RPA2: variants seen among roughly 807,000 people sequenced by gnomAD.
RPA2 encodes replication protein A2.
RPA2 carries 22 observed loss-of-function variants against 33.4 expected under a neutral mutation model. The ratio of observed to expected loss-of-function variants is 0.66; its 90% CI spans 0.47 to 0.94. RPA2 has a LOEUF of 0.94. Ranked by LOEUF, RPA2 falls within the 40% of genes least tolerant of loss-of-function variation. RPA2 has a pLI of 0.00. For missense variants in RPA2, 279 were observed against 329.9 expected (o/e 0.85, Z 1.19); for synonymous variants, 109 against 114.9 (o/e 0.95, Z 0.33).
intron 4 of RPA2, among the ~76,000 whole-genome samples, chr1:27,898,633 C>T (rs943752277): frequency 1.3e-5 from 2 of 151,286 alleles, no homozygotes; most frequent in African/African-American, 4.9e-5. Context: ...GCAACCTCTG[C>T]CTCACAAGTT....
chr1:27,894,206 A>C, intron 7 of RPA2, 84 bp downstream of exon 7: 1 of 1,502,938 alleles, frequency 6.7e-7, no homozygotes, highest in Non-Finnish European at 9.2e-7. Context: ...CCAGGTACTT[A>C]AACAGTCGTA....
At chr1:27,913,756 T>C (rs913520208) in intron 2 of RPA2, among the ~76,000 whole-genome samples, 2 of 151,904 alleles carry the variant, frequency 1.3e-5, no homozygotes, top group African/African-American at 4.8e-5. Context: ...ATCTCTATTT[T>C]AAAAAATAAA....
intron 4 of RPA2, 142 bp downstream of exon 4, chr1:27,906,786 T>C: frequency 3.3e-6 from 2 of 605,018 alleles, no homozygotes; most frequent in Admixed American, 3.2e-5. Context: ...TAGTCAAATC[T>C]ACTAACCTTT....
intron 2 of RPA2, among the ~76,000 whole-genome samples, chr1:27,910,485 A>C (rs1327964004): frequency 6.6e-6 from 1 of 152,230 alleles, no homozygotes; most frequent in Non-Finnish European, 1.5e-5. Context: ...AGAGGTTCAC[A>C]AAGTGTCAAT....
At chr1:27,904,427 T>G (rs1312765541) in intron 4 of RPA2, among the ~76,000 whole-genome samples, 1 of 152,186 alleles carries the variant, frequency 6.6e-6, no homozygotes, top group East Asian at 1.9e-4. Flanking sequence ...ACAAGTAGTA[T>G]TAGGTATCCA....
At chr1:27,911,793 A>G (rs1350548139) in intron 2 of RPA2, among the ~76,000 whole-genome samples, 1 of 152,156 alleles carries the variant, frequency 6.6e-6, no homozygotes, top group African/African-American at 2.4e-5. Context: ...AAAATAATTT[A>G]TATGAAAGTT....
chr1:27,912,152 G>A (rs2090105045), intron 2 of RPA2, among the ~76,000 whole-genome samples: 1 of 152,072 alleles, frequency 6.6e-6, no homozygotes, highest in Non-Finnish European at 1.5e-5. Flanking sequence ...ATATCATTGA[G>A]TTTTTTAACT....
At chr1:27,895,706 G>C (rs1363493161) in intron 6 of RPA2, among the ~76,000 whole-genome samples, 1 of 152,138 alleles carries the variant, frequency 6.6e-6, no homozygotes, top group Non-Finnish European at 1.5e-5. Context: ...ACTCCAGCCT[G>C]GGCGAAAGAG....
rs28904882 is a variant in RPA2, at chr1:27,899,531, A to C, written c.334-1824T>G. 3.6e-3 allele frequency among the ~76,000 whole-genome samples: 506 copies of C among 141,746 alleles called. 4 individuals carry two copies. Among genetic ancestry groups the C allele is most frequent in the African/African-American group, 0.013 (485 of 36,740 alleles). The allele number at this position is 141,746 out of a possible 152,430, so 93.0% of individuals were successfully genotyped here. A position where few individuals can be genotyped will look rare whatever the true frequency, so the allele number is the denominator to read the frequency against. ...AAAAAAAGAAAAAAAAAAAAAAAAA[A>C]CCACACAAACAAAACAATTGTATTC... On this transcript the variant is annotated intron_variant, in intron 4 of 8. Coordinates refer to ENST00000373912, the MANE Select transcript of RPA2 (RefSeq NM_002946.5).
At chr1:27,904,973 A>C (rs1480612908) in intron 4 of RPA2, among the ~76,000 whole-genome samples, 1 of 152,068 alleles carries the variant, frequency 6.6e-6, no homozygotes, top group Non-Finnish European at 1.5e-5. Flanking sequence ...TTATTATCCA[A>C]ATTTTCTGTA....
chr1:27,897,309 G>C (rs1011913919), intron 5 of RPA2, among the ~76,000 whole-genome samples, 188 bp from the exon 6 acceptor site: 2 of 141,560 alleles, frequency 1.4e-5, no homozygotes, highest in African/African-American at 4.9e-5. Flanking sequence ...AATAGCTAAG[G>C]GACATTAATA....
chr1:27,910,427 T>C (rs2090083002), intron 2 of RPA2, among the ~76,000 whole-genome samples: 1 of 152,218 alleles, frequency 6.6e-6, no homozygotes, highest in South Asian at 2.1e-4. Flanking sequence ...TTATTGAGCA[T>C]ATATTTTATG....
At chr1:27,909,657 TGAGCC>T (rs2090073614) in intron 2 of RPA2, among the ~76,000 whole-genome samples, 1 of 151,224 alleles carries the variant, frequency 6.6e-6, no homozygotes, top group Non-Finnish European at 1.5e-5. Context: ...GAGGTTGCAG[TGAGCC>T]GAGATCATAC....
At position 27,894,074 on chromosome 1, in the gene RPA2, A is replaced by G; in HGVS notation, c.666T>C (p.Pro222=). 1 of 1,614,148 alleles carries G rather than the reference A, an allele frequency of 6.2e-7. No homozygotes were observed. The change falls in exon 8 of 9, where the codon CCT becomes CCC. Residue 222 remains proline, a synonymous_variant. Transcript: ENST00000373912. ...VLNLIKACPR[P]EGLNFQDLKN... ...TGAGATCCTGAAAGTTCAACCCTTC[A>G]GGTCTTGGACAAGCCTTAATCAAAT...
chr1:27,894,934 C>T (rs1186076421), intron 6 of RPA2, among the ~76,000 whole-genome samples: 1 of 152,176 alleles, frequency 6.6e-6, no homozygotes, highest in African/African-American at 2.4e-5. Flanking sequence ...ACTGTTTTCA[C>T]CAAAGTCACC....
At chr1:27,905,153 T>C (rs2090012630) in intron 4 of RPA2, among the ~76,000 whole-genome samples, 1 of 152,210 alleles carries the variant, frequency 6.6e-6, no homozygotes, top group African/African-American at 2.4e-5. Flanking sequence ...GCATACCACA[T>C]TGTAATATGC....
chr1:27,901,359 T>C (rs1190894477), intron 4 of RPA2, among the ~76,000 whole-genome samples: 3 of 150,688 alleles, frequency 2.0e-5, no homozygotes, highest in Middle Eastern at 3.2e-3. Flanking sequence ...GCCATAAAGT[T>C]TTTTTTTTTC....
chr1:27,912,332 C>A (rs565336935), intron 2 of RPA2, among the ~76,000 whole-genome samples: 1 of 151,458 alleles, frequency 6.6e-6, no homozygotes, highest in East Asian at 1.9e-4. Context: ...TTGCTTGAGG[C>A]TAGGAGCCTG....
intron 3 of RPA2, 25 bp downstream of exon 3, chr1:27,907,156 T>A: frequency 6.3e-7 from 1 of 1,599,816 alleles, no homozygotes; most frequent in South Asian, 1.1e-5. Flanking sequence ...GAGTAAGTGA[T>A]TCTTTCACAA....
Sources: allele counts gnomAD v4.1 joint callset (sites outside exome capture counted in the v4.1 genomes callset), GRCh38; gene constraint gnomAD v4.1.1; transcripts MANE v1.5; gene names NCBI Gene and HGNC (gene_info 2026-07-23, HGNC 2026-07-21).